HTR2C: variants seen among roughly 807,000 people sequenced by gnomAD.
HTR2C encodes 5-hydroxytryptamine (serotonin) receptor 2C, G protein-coupled.
Under a neutral mutation model 21.0 loss-of-function variants are expected in HTR2C, and 5 were observed. That is an observed-to-expected ratio of 0.24 (90% CI 0.12 to 0.50). HTR2C has a LOEUF of 0.50. HTR2C is among the 20% of genes least tolerant of loss of function. The pLI, the probability that HTR2C is intolerant of heterozygous loss-of-function variation, is 0.98. For synonymous variants in HTR2C, 150 were observed against 145.3 expected (o/e 1.03, Z -0.23); for missense variants, 271 against 371.2 (o/e 0.73, Z 2.22).
chrX:114,902,603 G>T (rs1194491274), intron 5 of HTR2C, among the ~76,000 whole-genome samples: 3 of 110,184 alleles, frequency 2.7e-5, no homozygotes, highest in African/African-American at 9.9e-5. Flanking sequence ...AAAATTTATT[G>T]TATTTATTTA....
At chrX:114,598,225 A>G (rs1927942665) in intron 1 of HTR2C, among the ~76,000 whole-genome samples, 1 of 111,940 alleles carries the variant, frequency 8.9e-6, no homozygotes, top group African/African-American at 3.2e-5. Context: ...CCCAAAGCCC[A>G]GAGAGGAAGT....
intron 4 of HTR2C, among the ~76,000 whole-genome samples, chrX:114,821,580 T>C (rs958213744): frequency 9.0e-5 from 10 of 111,693 alleles, no homozygotes; most frequent in Non-Finnish European, 1.7e-4. Flanking sequence ...TTAGAAACAC[T>C]GGCCTACAAC....
chrX:114,843,942 C>T (rs1431484268), intron 4 of HTR2C, among the ~76,000 whole-genome samples: 1 of 110,399 alleles, frequency 9.1e-6, no homozygotes, highest in Non-Finnish European at 1.9e-5. Context: ...AACAAAAAAT[C>T]AGAAGGAGTT....
chrX:114,775,810 G>A, intron 4 of HTR2C: 1 of 403,869 alleles, frequency 2.5e-6, no homozygotes, highest in South Asian at 3.4e-5. Flanking sequence ...TGTCTAGTTT[G>A]ACATCTCGAA....
At chrX:114,877,502 G>A (rs2071147957) in intron 5 of HTR2C, among the ~76,000 whole-genome samples, 1 of 109,887 alleles carries the variant, frequency 9.1e-6, no homozygotes, top group African/African-American at 3.3e-5. Flanking sequence ...AGCTTAGTTT[G>A]TTCTTTTTGT....
At chrX:114,608,358 G>T (rs782326697) in intron 1 of HTR2C, among the ~76,000 whole-genome samples, 1 of 110,901 alleles carries the variant, frequency 9.0e-6, no homozygotes, top group South Asian at 3.8e-4. Flanking sequence ...TCACAATTTA[G>T]AATATTTCCA....
At chrX:114,838,042 C>T (rs1224853091) in intron 4 of HTR2C, among the ~76,000 whole-genome samples, 3 of 110,873 alleles carry the variant, frequency 2.7e-5, no homozygotes, top group Non-Finnish European at 3.8e-5. Flanking sequence ...TTCACAAATG[C>T]TAATATCAGG....
At chrX:114,652,892 G>A (rs1247634883) in intron 2 of HTR2C, among the ~76,000 whole-genome samples, 1 of 103,972 alleles carries the variant, frequency 9.6e-6, no homozygotes, top group Non-Finnish European at 2.0e-5. Flanking sequence ...AAACTTTTGG[G>A]GAGAAAAGAG....
At chrX:114,610,857 T>C (rs1031199181) in intron 1 of HTR2C, among the ~76,000 whole-genome samples, 1 of 111,628 alleles carries the variant, frequency 9.0e-6, no homozygotes, top group African/African-American at 3.3e-5. Flanking sequence ...AAAATGTTAA[T>C]ATAAAGAATG....
At chrX:114,678,550 A>T (rs1383382031) in intron 2 of HTR2C, among the ~76,000 whole-genome samples, 1 of 111,585 alleles carries the variant, frequency 9.0e-6, no homozygotes, top group Admixed American at 9.6e-5. Context: ...CATTCTGGGG[A>T]ATGAATAGAG....
chrX:114,697,689 G>A (rs1338856818), intron 2 of HTR2C, among the ~76,000 whole-genome samples: 1 of 112,261 alleles, frequency 8.9e-6, no homozygotes, highest in African/African-American at 3.2e-5. Flanking sequence ...TGTTCTCTAC[G>A]AATCATTTGG....
At chrX:114,723,650 C>T (rs1348831911) in intron 2 of HTR2C, among the ~76,000 whole-genome samples, 44 of 109,659 alleles carry the variant, frequency 4.0e-4, no homozygotes, top group Admixed American at 8.9e-4. Flanking sequence ...CTTGTGGGCA[C>T]TTAGTGCTAT....
At chrX:114,845,978 A>C (rs782387032) in intron 4 of HTR2C, among the ~76,000 whole-genome samples, 25 of 110,905 alleles carry the variant, frequency 2.3e-4, no homozygotes, top group African/African-American at 8.2e-4. Flanking sequence ...ACACCACTGC[A>C]AACTAGCCCA....
In HTR2C at chrX:114,891,082, A is replaced by AT. The variant is rs1272058844; in HGVS notation, c.551-15497dup. Reference sequence around the variant, plus strand: ...AAATTGCAATTGTCCCATCAAGTGAATTTTTTTTTTGCTATTTTGATAATT... The same window carrying AT: ...AAATTGCAATTGTCCCATCAAGTGAATTTTTTTTTTTGCTATTTTGATAATT... On this transcript the variant is annotated intron_variant, in intron 5 of 5. Transcript: ENST00000276198. Among the ~76,000 whole-genome samples, 69 of 107,801 alleles carry AT rather than the reference A, an allele frequency of 6.4e-4. 1 individual carries two copies. Among genetic ancestry groups the AT allele is most frequent in the Admixed American group, 2.7e-3 (27 of 9,985 alleles). The allele number at this position is 107,801 out of a possible 115,157, so 93.6% of individuals were successfully genotyped here.
intron 1 of HTR2C, among the ~76,000 whole-genome samples, chrX:114,604,173 G>A (rs1052960993): frequency 2.8e-5 from 3 of 109,031 alleles, no homozygotes; most frequent in Non-Finnish European, 5.7e-5. Flanking sequence ...AGAGGAGGAC[G>A]CAAAGGAGGC....
chrX:114,807,377 T>C (rs2070481645), intron 4 of HTR2C, among the ~76,000 whole-genome samples: 1 of 31,291 alleles, frequency 3.2e-5, no homozygotes, highest in Non-Finnish European at 7.9e-5. Flanking sequence ...ATCTATACCA[T>C]ATATATACGC....
intron 5 of HTR2C, among the ~76,000 whole-genome samples, chrX:114,903,186 G>C (rs1247686334): frequency 9.0e-6 from 1 of 111,101 alleles, no homozygotes; most frequent in Non-Finnish European, 1.9e-5. Flanking sequence ...AACATATATT[G>C]TTATTAATGC....
intron 5 of HTR2C, among the ~76,000 whole-genome samples, chrX:114,861,042 A>G (rs1388846043): frequency 9.0e-6 from 1 of 111,405 alleles, no homozygotes; most frequent in Non-Finnish European, 1.9e-5. Flanking sequence ...TTTTGTGTGT[A>G]TGGCAAGAAC....
At chrX:114,650,398 C>G (rs370955529) in intron 2 of HTR2C, among the ~76,000 whole-genome samples, 1 of 111,723 alleles carries the variant, frequency 9.0e-6, no homozygotes. Context: ...ATAATATGGT[C>G]CTAGGGTTTT....
Sources: allele counts gnomAD v4.1 joint callset (sites outside exome capture counted in the v4.1 genomes callset), GRCh38; gene constraint gnomAD v4.1.1; transcripts MANE v1.5; gene names NCBI Gene and HGNC (gene_info 2026-07-23, HGNC 2026-07-21).